ALDH1A2: variants seen among roughly 807,000 people sequenced by gnomAD.
ALDH1A2 encodes aldehyde dehydrogenase 1 family member A2, also known as retinal dehydrogenase 2.
A neutral mutation model predicts 60.3 loss-of-function variants in ALDH1A2; 27 were observed. The ratio of observed to expected loss-of-function variants is 0.45; its 90% CI spans 0.33 to 0.62. The LOEUF is 0.62. ALDH1A2 is among the 20% of genes least tolerant of loss of function. The pLI is 0.02. For missense variants in ALDH1A2, 581 were observed against 643.8 expected (o/e 0.90, Z 1.06); for synonymous variants, 289 against 232.4 (o/e 1.24, Z -2.21).
At chr15:57,969,082 CGGGATGTGTTAGGCTAT>C (rs1893983113) in intron 7 of ALDH1A2, among the ~76,000 whole-genome samples, 1 of 151,998 alleles carries the variant, frequency 6.6e-6, no homozygotes, top group South Asian at 2.1e-4. Context: ...CAAGAAAGAA[CGGGATGTGTTAGGCTAT>C]GGGAGAACCA....
At chr15:58,056,686 T>A (rs1318149124) in intron 1 of ALDH1A2, among the ~76,000 whole-genome samples, 2 of 152,094 alleles carry the variant, frequency 1.3e-5, no homozygotes, top group Non-Finnish European at 2.9e-5. Context: ...AATACATTTA[T>A]AAAAACTGAT....
chr15:58,036,037 G>T (rs1432669703), intron 1 of ALDH1A2, among the ~76,000 whole-genome samples: 2 of 151,532 alleles, frequency 1.3e-5, no homozygotes, highest in Admixed American at 6.6e-5. Flanking sequence ...TGTATGCAAG[G>T]ATAGCTCTTA....
chr15:57,954,218 G>T lies in ALDH1A2; in HGVS notation c.*979C>A. The T allele has an allele frequency of 6.6e-6, 1 of 152,378 alleles. No individual in the cohort carries two copies. Among genetic ancestry groups the T allele is most frequent in the Non-Finnish European group, 1.5e-5 (1 of 68,058 alleles). The allele number at this position is 152,378 out of a possible 1,614,324, so 9.4% of individuals were successfully genotyped here. ...CACACCTGCAGCAGTTATTGGTGTA[G>T]AGGTTCAGAAGGTACAGATTCCAAC... On this transcript the variant is annotated 3_prime_UTR_variant, in exon 13 of 13. Transcript: ENST00000249750.
At chr15:57,994,494 A>T (rs1480562018) in intron 5 of ALDH1A2, among the ~76,000 whole-genome samples, 1 of 152,186 alleles carries the variant, frequency 6.6e-6, no homozygotes, top group African/African-American at 2.4e-5. Flanking sequence ...AAGGGTGTGT[A>T]TGAGAGACAG....
intron 1 of ALDH1A2, among the ~76,000 whole-genome samples, chr15:58,064,028 T>A (rs1237548620): frequency 2.0e-5 from 3 of 152,188 alleles, no homozygotes; most frequent in Admixed American, 6.5e-5. Context: ...TTTCAGAGGC[T>A]GTTAGAAAAA....
At position 58,035,465 on chromosome 15, in the gene ALDH1A2, AT is replaced by A. The variant is rs199903892; in HGVS notation, c.118-21185del. 4.3e-3 allele frequency among the ~76,000 whole-genome samples: 644 copies of A among 150,676 alleles called. 7 individuals are homozygous for A. Among genetic ancestry groups the A allele is most frequent in the African/African-American group, 0.015 (614 of 41,174 alleles). On this transcript the variant is annotated intron_variant, in intron 1 of 12. Transcript: ENST00000249750. The stretch of plus-strand genomic sequence containing the variant: ...ATCGATCTGTGCTATAATTTTTGTT[AT>A]TTTTTTGTTTCTGTTTACATTACTC...
intron 9 of ALDH1A2, 102 bp from the exon 10 acceptor site, chr15:57,962,278 T>C (rs1339487098): frequency 5.7e-6 from 8 of 1,403,690 alleles, no homozygotes; most frequent in Non-Finnish European, 7.0e-6. Context: ...TTTCAAAGTT[T>C]AACTACACCC....
chr15:57,989,513 T>G (rs141197474), intron 7 of ALDH1A2, among the ~76,000 whole-genome samples: 3 of 152,302 alleles, frequency 2.0e-5, no homozygotes, highest in African/African-American at 7.2e-5. Context: ...TAACACATCT[T>G]ATAAAACCTA....
chr15:57,965,408 G>C (rs1408972624), intron 8 of ALDH1A2, among the ~76,000 whole-genome samples: 1 of 152,212 alleles, frequency 6.6e-6, no homozygotes, highest in African/African-American at 2.4e-5. Context: ...TAGGCAGAGA[G>C]ACTATCCTTC....
chr15:58,023,447 T>C (rs1566952172), intron 1 of ALDH1A2, among the ~76,000 whole-genome samples: 1 of 152,218 alleles, frequency 6.6e-6, no homozygotes, highest in African/African-American at 2.4e-5. Context: ...GGATGCTTAA[T>C]GATTCTCAGG....
intron 1 of ALDH1A2, among the ~76,000 whole-genome samples, chr15:58,026,750 G>A (rs147907861): frequency 0.014 from 2,129 of 152,260 alleles, 56 homozygotes; most frequent in African/African-American, 0.047. Flanking sequence ...CCATGCCCAC[G>A]GAGCCTTGCT....
At chr15:58,045,805 G>A (rs1257458100) in intron 1 of ALDH1A2, among the ~76,000 whole-genome samples, 1 of 151,852 alleles carries the variant, frequency 6.6e-6, no homozygotes. Flanking sequence ...TGTTCTGCAC[G>A]TGTACCCTAG....
intron 1 of ALDH1A2, among the ~76,000 whole-genome samples, chr15:58,064,119 A>C (rs1274590189): frequency 2.0e-5 from 2 of 97,934 alleles, no homozygotes; most frequent in Admixed American, 2.0e-4. Flanking sequence ...CTTCCATTTT[A>C]AGACCTTTAA....
At chr15:58,019,701 A>G (rs1895872073) in intron 1 of ALDH1A2, among the ~76,000 whole-genome samples, 1 of 152,196 alleles carries the variant, frequency 6.6e-6, no homozygotes, top group South Asian at 2.1e-4. Flanking sequence ...CTAACTGTCC[A>G]CTGACATATT....
rs112435419 is a variant in ALDH1A2, at chr15:58,039,672, T to A, written c.118-25391A>T. On this transcript the variant is annotated intron_variant, in intron 1 of 12. Transcript: ENST00000249750. ...TATAATAGAGACATGTCACCTTTCA[T>A]TTTTGTGAAGAGAGGAAAGAAATAT... Among the ~76,000 whole-genome samples the A allele has an allele frequency of 6.6e-5, 10 of 151,944 alleles. 1 individual carries two copies. The highest frequency in any genetic ancestry group is 2.4e-4 in the African/African-American group (10 of 41,494).
At chr15:57,969,841 T>C (rs551869196) in intron 7 of ALDH1A2, among the ~76,000 whole-genome samples, 9 of 152,270 alleles carry the variant, frequency 5.9e-5, no homozygotes, top group South Asian at 2.1e-4. Context: ...TCCTGCCCCA[T>C]TGCTGACAAC....
intron 7 of ALDH1A2, among the ~76,000 whole-genome samples, chr15:57,986,206 G>A (rs968503170): frequency 3.3e-5 from 5 of 152,122 alleles, no homozygotes; most frequent in African/African-American, 1.2e-4. Flanking sequence ...GGCAGTATGG[G>A]ACTATGAATC....
chr15:58,013,782 A>C, intron 3 of ALDH1A2, 76 bp downstream of exon 3: 2 of 1,543,376 alleles, frequency 1.3e-6, no homozygotes, highest in Non-Finnish European at 1.7e-6. Flanking sequence ...ATAAAATAAA[A>C]TACAGCCGAA....
chr15:57,966,428 A>G (rs1322318615), intron 7 of ALDH1A2, among the ~76,000 whole-genome samples: 1 of 152,232 alleles, frequency 6.6e-6, no homozygotes, highest in Non-Finnish European at 1.5e-5. Context: ...GTTAGGAGAA[A>G]GCACTTGCCA....
Sources: allele counts gnomAD v4.1 joint callset (sites outside exome capture counted in the v4.1 genomes callset), GRCh38; gene constraint gnomAD v4.1.1; transcripts MANE v1.5; gene names NCBI Gene and HGNC (gene_info 2026-07-23, HGNC 2026-07-21).